Variants in RSPRY1 observed in about 807,000 individuals in gnomAD.
The protein encoded by RSPRY1 is ring finger and SPRY domain containing 1.
RSPRY1 carries 23 observed loss-of-function variants against 73.1 expected under a neutral mutation model. The ratio of observed to expected loss-of-function variants is 0.31; its 90% CI spans 0.23 to 0.45. RSPRY1 has a LOEUF of 0.45. Ranked by LOEUF, RSPRY1 falls within the 20% of genes least tolerant of loss-of-function variation. The pLI is 1.00. For synonymous variants in RSPRY1, 226 were observed against 251.4 expected, an observed-to-expected ratio of 0.90 and a Z score of 0.95; for missense variants, 448 against 698.7, an observed-to-expected ratio of 0.64 and a Z score of 4.05.
At chr16:57,229,036 A>G (rs997610401) in intron 11 of RSPRY1, among the ~76,000 whole-genome samples, 1 of 152,206 alleles carries the variant, frequency 6.6e-6, no homozygotes, top group Non-Finnish European at 1.5e-5. Flanking sequence ...ATTCCATTAT[A>G]TAGTTGTACT....
At chr16:57,228,079 G>A (rs957581627) in intron 11 of RSPRY1, among the ~76,000 whole-genome samples, 1 of 152,056 alleles carries the variant, frequency 6.6e-6, no homozygotes, top group Non-Finnish European at 1.5e-5. Context: ...TTCAAGACCA[G>A]CCTGGCCAAC....
At chr16:57,228,426 ACTT>A (rs1423924837) in intron 11 of RSPRY1, among the ~76,000 whole-genome samples, 4 of 152,072 alleles carry the variant, frequency 2.6e-5, no homozygotes, top group Non-Finnish European at 2.9e-5. Context: ...GGAACATAAA[ACTT>A]CTTCATTTAA....
At chr16:57,219,233 C>T (rs1190949367) in intron 8 of RSPRY1, among the ~76,000 whole-genome samples, 1 of 152,212 alleles carries the variant, frequency 6.6e-6, no homozygotes, top group African/African-American at 2.4e-5. Flanking sequence ...GAGGAACCTC[C>T]ATACTGTTCT....
At chr16:57,229,690 C>CTTTTTTTTTTTTTTTTTTTTTTT (rs1162737560) in intron 11 of RSPRY1, among the ~76,000 whole-genome samples, 1 of 42,104 alleles carries the variant, frequency 2.4e-5, no homozygotes, top group Non-Finnish European at 4.0e-5. Context: ...AAGATAAATG[C>CTTTTTTTTTTTTTTTTTTTTTTT]TTTTTTTTTT....
At chr16:57,221,639 G>A (rs1034536930) in intron 10 of RSPRY1, among the ~76,000 whole-genome samples, 3 of 152,146 alleles carry the variant, frequency 2.0e-5, no homozygotes, top group Non-Finnish European at 4.4e-5. Context: ...TGAATCTTAA[G>A]TTCACGCTAA....
chr16:57,202,878 T>TTATATATATA (rs55701001), intron 1 of RSPRY1, among the ~76,000 whole-genome samples: 3,984 of 131,088 alleles, frequency 0.03, 98 homozygotes, highest in East Asian at 0.059. Context: ...TTACATATGA[T>TTATATATATA]TATATATATA....
chr16:57,214,679 G>A (rs2074907026), intron 6 of RSPRY1, among the ~76,000 whole-genome samples: 1 of 152,240 alleles, frequency 6.6e-6, no homozygotes, highest in Non-Finnish European at 1.5e-5. Flanking sequence ...ACTCAGACAA[G>A]GTAATTAGCC....
In RSPRY1 at chr16:57,221,327, C is replaced by T; in HGVS notation, c.1073C>T (p.Ala358Val). The T allele has an allele frequency of 6.2e-7, 1 of 1,613,794 alleles. No homozygotes were observed. Among genetic ancestry groups the T allele is most frequent in the Middle Eastern group, 1.7e-4 (1 of 6,050 alleles). Residue 358 changes from alanine (A) to valine (V), a missense_variant, in exon 10 of 15, where the codon GCC becomes GTC. Transcript: ENST00000394420. ...ESVRCTFCVD[A>V]GVWYYEVTVV... is the part of the protein sequence containing the mutation. ...GTGCGTTGCACCTTTTGTGTGGATG[C>T]CGGGGTATGGTACTATGAAGTAACA...
Position 57,204,863 on chromosome 16 carries a change from C to G in RSPRY1, c.205C>G (p.Pro69Ala). ...QQQQAENSAV[P>A]TADTRSQPRD... Reference sequence around the variant, plus strand: ...GCAACAGGCCGAGAACAGTGCAGTACCCACTGCTGACACAAGGAGCCAACC... The same window carrying G: ...GCAACAGGCCGAGAACAGTGCAGTAGCCACTGCTGACACAAGGAGCCAACC... Residue 69 changes from proline (P) to alanine (A), a missense_variant, in exon 2 of 15, where the codon CCC becomes GCC. Coordinates refer to ENST00000394420, the MANE Select transcript of RSPRY1 (RefSeq NM_133368.3). 6.2e-7 allele frequency: 1 copy of G among 1,614,160 alleles called. No homozygotes were observed. The highest frequency in any genetic ancestry group is 8.5e-7 in the Non-Finnish European group (1 of 1,180,012).
rs1203319439 is a variant in RSPRY1 at position 57,204,711 on chromosome 16, G to A, written c.53G>A (p.Gly18Asp). ...TTAGCGAGCAGAAGCCTTGGCCAGG[G>A]TCTGTTGTTGACTCTCGAAGAGCAC... ...VFLASRSLGQ[G>D]LLLTLEEHIA... Residue 18 changes from glycine (G) to aspartate (D), a missense_variant, in exon 2 of 15, where the codon GGT (glycine) becomes GAT (aspartate). Gly to Asp is a moderately conservative substitution (Grantham distance 94). Transcript: ENST00000394420. 3.7e-6 allele frequency: 6 copies of A among 1,614,058 alleles called. No individual in the cohort carries two copies. The East Asian group carries it at 1.1e-4, about 30-fold the overall frequency.
At chr16:57,209,971 C>T (rs559942963) in intron 4 of RSPRY1, among the ~76,000 whole-genome samples, 1 of 152,270 alleles carries the variant, frequency 6.6e-6, no homozygotes, top group Non-Finnish European at 1.5e-5. Context: ...CCACTGTGCC[C>T]CGCCACATTC....
chr16:57,217,671 A>G (rs748249857), intron 8 of RSPRY1, among the ~76,000 whole-genome samples: 13 of 152,192 alleles, frequency 8.5e-5, no homozygotes, highest in Admixed American at 3.9e-4. Flanking sequence ...GAAATCCTCC[A>G]TTGAGCATTT....
intron 10 of RSPRY1, among the ~76,000 whole-genome samples, chr16:57,223,773 A>AAAAT (rs1179181305): frequency 2.6e-5 from 4 of 152,238 alleles, no homozygotes; most frequent in African/African-American, 4.8e-5. Flanking sequence ...CTCTGTCTCA[A>AAAAT]AAATAAATAA....
At chr16:57,238,742 C>A in intron 14 of RSPRY1, 137 bp from the exon 15 acceptor site, 1 of 520,482 alleles carries the variant, frequency 1.9e-6, no homozygotes, top group East Asian at 3.2e-5. Context: ...TTTACATATT[C>A]ATTTTTTTTA....
chr16:57,231,168 T>A lies in RSPRY1; in HGVS notation c.1378T>A (p.Ser460Thr). 1 of 1,612,858 alleles carries A rather than the reference T, an allele frequency of 6.2e-7. No individual in the cohort carries two copies. Reference sequence around the variant, plus strand: ...CCTCTGTACTCATTTTATTTGTAGATCTGGATTTTTTGCTGCAGCTAGTTT... The same window carrying A: ...CCTCTGTACTCATTTTATTTGTAGAACTGGATTTTTTGCTGCAGCTAGTTT... ...PEKQVFSSTV[S>T]GFFAAASFMS... Residue 460 changes from serine to threonine, a missense_variant and splice_region_variant, in exon 13 of 15, where the codon TCT (serine) becomes ACT (threonine). Physicochemically the swap from Ser to Thr is moderately conservative, Grantham distance 58. Transcript: ENST00000394420.
At position 57,217,055 on chromosome 16, in the gene RSPRY1, T is replaced by C. The variant is rs374914169; in HGVS notation, c.901+20T>C. ...ATCTCTGTAAGTGGGAGTTGTCCTT[T>C]ATTAAAATGTCCGTTTCCATTTCCA... On this transcript the variant is annotated intron_variant, in intron 8 of 14. Coordinates refer to ENST00000394420, the MANE Select transcript of RSPRY1 (RefSeq NM_133368.3). The C allele has an allele frequency of 9.3e-6, 15 of 1,613,628 alleles. No homozygotes were observed. The highest frequency in any genetic ancestry group is 1.3e-5 in the African/African-American group (1 of 74,908).
In RSPRY1 at chr16:57,213,903, G is replaced by A; in HGVS notation, c.659G>A (p.Gly220Asp). Residue 220 changes from glycine (G) to aspartate (D), a missense_variant, in exon 6 of 15, where the codon GGT (glycine) becomes GAT (aspartate). By Grantham distance (94) the Gly-to-Asp change is moderately conservative (BLOSUM62 -1). Coordinates refer to ENST00000394420, the MANE Select transcript of RSPRY1 (RefSeq NM_133368.3). ...ATTTGTCTAGGTCCTGCAAGTATAG[G>A]TTTACTTAGCCCAGGAATACTGGAA... ...AEKLAGPASI[G>D]LLSPGILEYL... 3.1e-6 allele frequency: 5 copies of A among 1,607,456 alleles called. No homozygotes were observed. Among genetic ancestry groups the A allele is most frequent in the Non-Finnish European group, 4.3e-6 (5 of 1,173,872 alleles).
At chr16:57,212,509 G>T (rs145350138) in intron 4 of RSPRY1, among the ~76,000 whole-genome samples, 1 of 152,136 alleles carries the variant, frequency 6.6e-6, no homozygotes, top group Admixed American at 6.5e-5. Context: ...AGTAAGTCAT[G>T]TAAGGAGACT....
chr16:57,200,136 G>T (rs1218954936), intron 1 of RSPRY1, among the ~76,000 whole-genome samples: 1 of 148,950 alleles, frequency 6.7e-6, no homozygotes, highest in Non-Finnish European at 1.5e-5. Context: ...TCAAGCATCT[G>T]TTTAACAAAG....
Sources: gnomAD v4.1 joint callset for allele counts (sites outside exome capture counted in the v4.1 genomes callset) on GRCh38, gnomAD v4.1.1 for gene constraint, MANE v1.5 for transcripts, NCBI Gene and HGNC (gene_info 2026-07-23, HGNC 2026-07-21) for gene names.